The following OXCT1 variants were observed in gnomAD, a reference collection of about 807,000 sequenced individuals.
The protein encoded by OXCT1 is 3-oxoacid CoA-transferase 1, also known as succinyl-CoA:3-ketoacid coenzyme A transferase 1, mitochondrial.
In OXCT1, 27 loss-of-function variants were observed where a neutral mutation model predicts 69.6. The observed-to-expected ratio is 0.39, with a 90% confidence interval of 0.29 to 0.54. OXCT1 has a LOEUF of 0.54. Ranked by LOEUF, OXCT1 falls within the 20% of genes least tolerant of loss-of-function variation. The probability of loss-of-function intolerance (pLI) is 0.72; values close to 1 mark genes in which losing one functional copy is unlikely to be tolerated. For synonymous variants in OXCT1, 202 were observed against 217.8 expected, an observed-to-expected ratio of 0.93 and a Z score of 0.64; for missense variants, 437 against 650.2, an observed-to-expected ratio of 0.67 and a Z score of 3.57.
intron 16 of OXCT1, among the ~76,000 whole-genome samples, chr5:41,737,674 C>CA (rs1178640409): frequency 6.6e-6 from 1 of 152,012 alleles, no homozygotes; most frequent in Non-Finnish European, 1.5e-5. Flanking sequence ...AAGGGACATT[C>CA]AAAAAAAGTT....
At position 41,762,037 on chromosome 5, in the gene OXCT1, A is replaced by G. The variant is rs1268781695; in HGVS notation, c.1338+74T>C. ...AGAAAATAAAATCCACAGTTAGGTG[A>G]CCTGGTGGTACACTGGGTTTTGATG... On this transcript the variant is annotated intron_variant, in intron 14 of 16. Transcript: ENST00000196371. The surrounding 1 kb of genome is among the most constrained non-coding windows in gnomAD (Gnocchi z 4.0). 1.1e-6 allele frequency: 1 copy of G among 937,684 alleles called. No homozygotes were observed. The highest frequency in any genetic ancestry group is 1.8e-6 in the Non-Finnish European group (1 of 562,350). 58.1% of individuals were successfully genotyped at this position (937,684 alleles called of 1,614,324 possible).
chr5:41,747,950 G>A (rs1352346023), intron 15 of OXCT1, among the ~76,000 whole-genome samples: 1 of 152,020 alleles, frequency 6.6e-6, no homozygotes, highest in East Asian at 1.9e-4. Context: ...TCTGACTGCT[G>A]GAAAGGCTGG....
intron 4 of OXCT1, among the ~76,000 whole-genome samples, chr5:41,850,719 T>C (rs1478278358): frequency 6.6e-6 from 1 of 152,208 alleles, no homozygotes; most frequent in African/African-American, 2.4e-5. Context: ...AAATTGGTTT[T>C]TAAAAGCCAA....
intron 13 of OXCT1, among the ~76,000 whole-genome samples, chr5:41,780,459 A>T (rs1265192567): frequency 6.6e-6 from 1 of 152,236 alleles, no homozygotes. Flanking sequence ...CTAGAAGCAC[A>T]AACAGCAAAC....
intron 16 of OXCT1, among the ~76,000 whole-genome samples, chr5:41,737,337 A>G (rs932960612): frequency 1.1e-4 from 16 of 152,212 alleles, no homozygotes; most frequent in Non-Finnish European, 1.5e-4. Context: ...TTTATTGGAA[A>G]ACAAAGCAAG....
chr5:41,780,150 T>C (rs1269316465), intron 13 of OXCT1, among the ~76,000 whole-genome samples: 1 of 152,148 alleles, frequency 6.6e-6, no homozygotes, highest in African/African-American at 2.4e-5. Context: ...GGTGAATGAA[T>C]TTGAAAATCC....
At chr5:41,802,143 T>C (rs1746452662) in intron 10 of OXCT1, among the ~76,000 whole-genome samples, 1 of 152,150 alleles carries the variant, frequency 6.6e-6, no homozygotes, top group Non-Finnish European at 1.5e-5. Flanking sequence ...AGTCTTTAAC[T>C]TCCACATGAA....
intron 7 of OXCT1, among the ~76,000 whole-genome samples, chr5:41,829,593 AT>A (rs1227720026): frequency 6.6e-6 from 1 of 152,196 alleles, no homozygotes; most frequent in Non-Finnish European, 1.5e-5. Context: ...AAATGTCAAG[AT>A]TAACACTTTG....
chr5:41,756,384 G>C (rs189478002), intron 14 of OXCT1, among the ~76,000 whole-genome samples: 70 of 152,140 alleles, frequency 4.6e-4, no homozygotes, highest in African/African-American at 1.5e-3. Context: ...TTAACAAAAG[G>C]AAAAGGAAGC....
intron 15 of OXCT1, among the ~76,000 whole-genome samples, chr5:41,748,333 G>A (rs1380512831): frequency 6.6e-6 from 1 of 151,672 alleles, no homozygotes; most frequent in Admixed American, 6.6e-5. Flanking sequence ...ATGAGGAGAG[G>A]GCTGATGGAA....
chr5:41,745,770 AC>A (rs1247240526), intron 15 of OXCT1, among the ~76,000 whole-genome samples: 1 of 152,154 alleles, frequency 6.6e-6, no homozygotes, highest in East Asian at 1.9e-4. Context: ...TACTATAAAC[AC>A]CTCTACGCAA....
At chr5:41,822,630 T>C (rs754943073) in intron 7 of OXCT1, among the ~76,000 whole-genome samples, 47 of 152,188 alleles carry the variant, frequency 3.1e-4, no homozygotes, top group Non-Finnish European at 5.6e-4. Context: ...TGTGCCACCA[T>C]GCCCGGCTAA....
chr5:41,745,708 T>C (rs947682260), intron 15 of OXCT1, among the ~76,000 whole-genome samples: 1 of 151,854 alleles, frequency 6.6e-6, no homozygotes, highest in African/African-American at 2.4e-5. Context: ...TAAAAAATGA[T>C]AAAGGGGATA....
intron 7 of OXCT1, among the ~76,000 whole-genome samples, chr5:41,812,940 A>AG (rs541586529): frequency 2.0e-5 from 3 of 152,116 alleles, no homozygotes; most frequent in African/African-American, 7.2e-5. Flanking sequence ...CCTTTCCAAA[A>AG]GGGGGGCTCA....
intron 7 of OXCT1, among the ~76,000 whole-genome samples, chr5:41,809,516 G>A (rs1281523856): frequency 6.6e-6 from 1 of 151,966 alleles, no homozygotes; most frequent in Non-Finnish European, 1.5e-5. Context: ...AAATAATAAT[G>A]TGAATTATTT....
chr5:41,826,529 T>A (rs1369180997), intron 7 of OXCT1, among the ~76,000 whole-genome samples: 2 of 151,982 alleles, frequency 1.3e-5, no homozygotes, highest in East Asian at 3.9e-4. Context: ...AATAAACCCA[T>A]GAAATAAGCA....
At chr5:41,862,572 T>C in intron 2 of OXCT1, 70 bp downstream of exon 2, 3 of 826,596 alleles carry the variant, frequency 3.6e-6, no homozygotes, top group Non-Finnish European at 6.4e-6. Context: ...ATCTTTGTCA[T>C]TGTGATTTGC....
At chr5:41,808,677 G>GAA (rs1746804587) in intron 7 of OXCT1, among the ~76,000 whole-genome samples, 1 of 152,096 alleles carries the variant, frequency 6.6e-6, no homozygotes, top group Non-Finnish European at 1.5e-5. Flanking sequence ...AGGAGACAGG[G>GAA]AAAGTGGGGC....
rs1207297606 is a variant in OXCT1 at position 41,730,620 on chromosome 5, T to A, written c.*1109A>T. ...CTGAAGTCATTCCCATGGGCCCCTG[T>A]CAGGTATTGAGAATAAATACCTCTA... On this transcript the variant is annotated 3_prime_UTR_variant, in exon 17 of 17. Coordinates refer to ENST00000196371, the MANE Select transcript of OXCT1 (RefSeq NM_000436.4). 6.6e-6 allele frequency: 1 copy of A among 152,186 alleles called. No homozygotes were observed. Among genetic ancestry groups the A allele is most frequent in the African/African-American group, 2.4e-5 (1 of 41,446 alleles). 9.4% of individuals were successfully genotyped at this position (152,186 alleles called of 1,614,324 possible).
Sources: allele counts gnomAD v4.1 joint callset (sites outside exome capture counted in the v4.1 genomes callset), GRCh38; gene constraint gnomAD v4.1.1; non-coding constraint Gnocchi (gnomAD v3.1); transcripts MANE v1.5; gene names NCBI Gene and HGNC (gene_info 2026-07-23, HGNC 2026-07-21).